DAZAP2: variants seen among roughly 807,000 people sequenced by gnomAD.
The protein encoded by DAZAP2 is DAZ associated protein 2, also known as DAZ-associated protein 2.
DAZAP2 carries 3 observed loss-of-function variants against 16.2 expected under a neutral mutation model. The ratio of observed to expected loss-of-function variants is 0.19; its 90% CI spans 0.08 to 0.48. DAZAP2 has a LOEUF of 0.48. Ranked by LOEUF, DAZAP2 falls within the 20% of genes least tolerant of loss-of-function variation. DAZAP2 has a pLI of 0.98. For synonymous variants in DAZAP2, 69 were observed against 77.6 expected, an observed-to-expected ratio of 0.89 and a Z score of 0.58; for missense variants, 172 against 215.9, an observed-to-expected ratio of 0.80 and a Z score of 1.27.
chr12:51,246,051 T>C, downstream of DAZAP2: 1 of 1,613,976 alleles, frequency 6.2e-7, no homozygotes, highest in Non-Finnish European at 8.5e-7. Flanking sequence ...CTGCCTTTGT[T>C]CTTGTACAGG....
Position 51,243,450 on chromosome 12 carries a change from C to T in DAZAP2, c.*992C>T. 1 of 985,774 alleles carries T rather than the reference C, an allele frequency of 1.0e-6. No individual in the cohort carries two copies. Among genetic ancestry groups the T allele is most frequent in the Non-Finnish European group, 1.2e-6 (1 of 829,938 alleles). The allele number at this position is 985,774 out of a possible 1,614,324, so 61.1% of individuals were successfully genotyped here. ...CATTCGGCTCCCCAGAATTCCTAGA[C>T]TGGGTTAATAGGGTCATATTGTGAA... On this transcript the variant is annotated 3_prime_UTR_variant, in exon 4 of 4. Coordinates refer to ENST00000412716, the MANE Select transcript of DAZAP2 (RefSeq NM_014764.4).
chr12:51,242,492 T>C lies in DAZAP2; in HGVS notation c.*34T>C. 1 of 1,613,770 alleles carries C rather than the reference T, an allele frequency of 6.2e-7. No homozygotes were observed. The highest frequency in any genetic ancestry group is 8.5e-7 in the Non-Finnish European group (1 of 1,180,026). ...GGCCACCTCTGTGCCGGGAAAGACA[T>C]CACATACCTTCAGCACTTCTCACAA... On this transcript the variant is annotated 3_prime_UTR_variant, in exon 4 of 4. Coordinates refer to ENST00000412716, the MANE Select transcript of DAZAP2 (RefSeq NM_014764.4).
At chr12:51,242,268 C>G in intron 3 of DAZAP2, 62 bp from the exon 4 acceptor site, 2 of 1,522,502 alleles carry the variant, frequency 1.3e-6, no homozygotes, top group Non-Finnish European at 8.8e-7. Flanking sequence ...TCTGCTTCCC[C>G]TATGTCCCCT....
Position 51,243,920 on chromosome 12 carries a change from G to A in DAZAP2, c.*1462G>A. On this transcript the variant is annotated 3_prime_UTR_variant, in exon 4 of 4. Coordinates refer to ENST00000412716, the MANE Select transcript of DAZAP2 (RefSeq NM_014764.4). ...TGATGACGCTTTGAAATAAAGGCAG[G>A]AGTACAAGCCTAAGACTTGATCATT... 1.0e-6 allele frequency: 1 copy of A among 985,080 alleles called. No individual in the cohort carries two copies. The highest frequency in any genetic ancestry group is 1.2e-6 in the Non-Finnish European group (1 of 829,694). The allele number at this position is 985,080 out of a possible 1,614,324, so 61.0% of individuals were successfully genotyped here.
chr12:51,246,516 A>ACGTC (rs1226346162), downstream of DAZAP2: 17 of 451,982 alleles, frequency 3.8e-5, no homozygotes, highest in African/African-American at 3.4e-4. Context: ...CTCAAGTGTA[A>ACGTC]CGTCCGTATG....
downstream of DAZAP2, chr12:51,245,470 T>G (rs1033188839): frequency 1.3e-5 from 2 of 153,756 alleles, no homozygotes; most frequent in Admixed American, 1.3e-4. Flanking sequence ...GGAGGTAAGA[T>G]CTCCATAGTC....
In DAZAP2 at chr12:51,242,892, G is replaced by C; in HGVS notation, c.*434G>C. 3.2e-5 allele frequency: 40 copies of C among 1,248,166 alleles called. No individual in the cohort carries two copies. The highest frequency in any genetic ancestry group is 4.0e-5 in the Non-Finnish European group (40 of 994,542). The allele number at this position is 1,248,166 out of a possible 1,614,324, so 77.3% of individuals were successfully genotyped here. ...TTGATATATATTACTTGTTATAAAT[G>C]GAACGCATTAGTTGTCTGCCTTTTC... is the stretch of plus-strand genomic sequence containing the variant. On this transcript the variant is annotated 3_prime_UTR_variant, in exon 4 of 4. Coordinates refer to ENST00000412716, the MANE Select transcript of DAZAP2 (RefSeq NM_014764.4).
intron 1 of DAZAP2, 117 bp from the exon 2 acceptor site, chr12:51,240,226 C>T: frequency 2.6e-6 from 2 of 773,984 alleles, no homozygotes; most frequent in South Asian, 3.0e-5. Context: ...CCCTCTGGGG[C>T]AGACTATTTG....
At chr12:51,245,644 A>G, downstream of DAZAP2, 1 of 321,618 alleles carries the variant, frequency 3.1e-6, no homozygotes. Flanking sequence ...TCAACCTGTG[A>G]AAAAAGATGA....
At position 51,243,371 on chromosome 12, in the gene DAZAP2, T is replaced by A; in HGVS notation, c.*913T>A. 4.1e-6 allele frequency: 4 copies of A among 985,728 alleles called. No homozygotes were observed. Among genetic ancestry groups the A allele is most frequent in the Non-Finnish European group, 4.8e-6 (4 of 829,928 alleles). 61.1% of individuals were successfully genotyped at this position (985,728 alleles called of 1,614,324 possible). On this transcript the variant is annotated 3_prime_UTR_variant, in exon 4 of 4. Transcript: ENST00000412716. ...TGTTCAGAGCTAAATTAAGAGGAGT[T>A]TTCAGATCAAAAACTGGTTACCATT...
Position 51,242,892 on chromosome 12 carries a change from G to T in DAZAP2, c.*434G>T. ...TTGATATATATTACTTGTTATAAATGGAACGCATTAGTTGTCTGCCTTTTC... is the reference window on the plus strand; with the variant it reads ...TTGATATATATTACTTGTTATAAATTGAACGCATTAGTTGTCTGCCTTTTC... On this transcript the variant is annotated 3_prime_UTR_variant, in exon 4 of 4. Coordinates refer to ENST00000412716, the MANE Select transcript of DAZAP2 (RefSeq NM_014764.4). 1 of 1,248,166 alleles carries T rather than the reference G, an allele frequency of 8.0e-7. No homozygotes were observed. Among genetic ancestry groups the T allele is most frequent in the South Asian group, 2.3e-5 (1 of 43,520 alleles). 77.3% of individuals were successfully genotyped at this position (1,248,166 alleles called of 1,614,324 possible).
chr12:51,244,763 T>A (rs1944742337), downstream of DAZAP2: 1 of 151,560 alleles, frequency 6.6e-6, no homozygotes, highest in African/African-American at 2.4e-5. Flanking sequence ...GAAGGGATTC[T>A]GGGAAATTCT....
At chr12:51,240,530 A>C in intron 2 of DAZAP2, 69 bp downstream of exon 2, 6 of 1,294,896 alleles carry the variant, frequency 4.6e-6, no homozygotes, top group Non-Finnish European at 4.5e-6. Flanking sequence ...TCCTTAGCTA[A>C]ATCTGACTTC....
Position 51,239,034 on chromosome 12 carries a change from C to T in DAZAP2, c.13+114C>T. 2.7e-6 allele frequency: 4 copies of T among 1,468,364 alleles called. No individual in the cohort carries two copies. The East Asian group carries it at 9.5e-5, about 35-fold the overall frequency. The allele number at this position is 1,468,364 out of a possible 1,614,324, so 91.0% of individuals were successfully genotyped here. A position where few individuals can be genotyped will look rare whatever the true frequency, so the allele number is the denominator to read the frequency against. On this transcript the variant is annotated intron_variant, in intron 1 of 3. Transcript: ENST00000412716. Reference sequence around the variant, plus strand: ...GTTTGGGGTGGGCTGCGCCATGCTCCTTGGCCGGCTGCAGTCCAGGGCGCT... The same window carrying T: ...GTTTGGGGTGGGCTGCGCCATGCTCTTTGGCCGGCTGCAGTCCAGGGCGCT...
chr12:51,246,131 G>A (rs771841861), downstream of DAZAP2: 3 of 1,613,552 alleles, frequency 1.9e-6, no homozygotes, highest in East Asian at 2.2e-5. Flanking sequence ...TTGGAAAGGA[G>A]AGGGAAAATG....
chr12:51,245,670 G>T (rs1217735971), downstream of DAZAP2: 5 of 404,070 alleles, frequency 1.2e-5, no homozygotes, highest in Non-Finnish European at 1.4e-5. Context: ...CACATACTCA[G>T]ATGTCCCCTG....
At chr12:51,240,724 G>C in intron 2 of DAZAP2, 147 bp from the exon 3 acceptor site, 3 of 1,123,260 alleles carry the variant, frequency 2.7e-6, no homozygotes. Flanking sequence ...TGATCCAGGA[G>C]AATATTGAAG....
At chr12:51,244,108 A>ACT (rs1283082329), downstream of DAZAP2, among the ~76,000 whole-genome samples, 2 of 152,250 alleles carry the variant, frequency 1.3e-5, no homozygotes, top group Non-Finnish European at 2.9e-5. Context: ...CAATTTGTAT[A>ACT]CGTTGAGGAT....
chr12:51,243,272 CTG>C lies in DAZAP2; in HGVS notation c.*816_*817del. ...TGTTTGAACAAAGATGTCGTGCAAA[CTG>C]TACTGTGAACAACAGTTGGTTTAAA... On this transcript the variant is annotated 3_prime_UTR_variant, in exon 4 of 4. Coordinates refer to ENST00000412716, the MANE Select transcript of DAZAP2 (RefSeq NM_014764.4). 1 of 985,912 alleles carries C rather than the reference CTG, an allele frequency of 1.0e-6. No individual in the cohort carries two copies. Among genetic ancestry groups the C allele is most frequent in the Non-Finnish European group, 1.2e-6 (1 of 830,012 alleles). 61.1% of individuals were successfully genotyped at this position (985,912 alleles called of 1,614,324 possible).
Sources: allele counts gnomAD v4.1 joint callset (sites outside exome capture counted in the v4.1 genomes callset), GRCh38; gene constraint gnomAD v4.1.1; transcripts MANE v1.5; gene names NCBI Gene and HGNC (gene_info 2026-07-23, HGNC 2026-07-21).